Variants in ARHGAP24 observed in about 807,000 individuals in gnomAD.
ARHGAP24 encodes the protein rho GTPase-activating protein 24.
A neutral mutation model predicts 76.4 loss-of-function variants in ARHGAP24; 50 were observed. The ratio of observed to expected loss-of-function variants is 0.65; its 90% confidence interval spans 0.52 to 0.83. ARHGAP24 has a LOEUF of 0.83. Among genes scored for constraint, ARHGAP24 ranks in the 40% least tolerant of loss-of-function variants. The pLI is 0.00. For missense variants in ARHGAP24, 930 were observed against 914.2 expected, an observed-to-expected ratio of 1.02 and a Z score of -0.22; for synonymous variants, 345 against 323.3, an observed-to-expected ratio of 1.07 and a Z score of -0.72.
intron 2 of ARHGAP24, among the ~76,000 whole-genome samples, chr4:85,622,880 C>A (rs1578085515): frequency 6.6e-6 from 1 of 152,114 alleles, no homozygotes; most frequent in Non-Finnish European, 1.5e-5. Context: ...TGTTTTTTGG[C>A]TGCATAAATG....
chr4:85,507,737 A>G (rs1457233463), intron 1 of ARHGAP24, among the ~76,000 whole-genome samples: 1 of 152,224 alleles, frequency 6.6e-6, no homozygotes, highest in Non-Finnish European at 1.5e-5. Context: ...ATAAGGGCCT[A>G]TGTAAATCCA....
chr4:85,637,304 C>T lies in ARHGAP24; in HGVS notation c.180+66583C>T, dbSNP rs532011283. On this transcript the variant is annotated intron_variant, in intron 2 of 9. Coordinates refer to ENST00000395184, the MANE Select transcript of ARHGAP24 (RefSeq NM_001025616.3). ...ACATGAGCCAAGGTTGTTAATAGTC[C>T]AAAGATCTTTTGCATCAAATTTTTG... 9.9e-5 allele frequency among the ~76,000 whole-genome samples: 15 copies of T among 152,088 alleles called. No individual in the cohort carries two copies. The East Asian group carries it at 2.9e-3, about 29-fold the overall frequency.
chr4:85,808,560 A>G (rs769288680), intron 3 of ARHGAP24, among the ~76,000 whole-genome samples: 11 of 152,192 alleles, frequency 7.2e-5, no homozygotes, highest in Non-Finnish European at 1.2e-4. Context: ...GTGGATTTCC[A>G]CACATTCTAC....
At chr4:85,907,110 C>T (rs1252079123) in intron 3 of ARHGAP24, among the ~76,000 whole-genome samples, 1 of 152,158 alleles carries the variant, frequency 6.6e-6, no homozygotes, top group Non-Finnish European at 1.5e-5. Flanking sequence ...GAAATAAGGA[C>T]TCAGCCTTAG....
intron 3 of ARHGAP24, among the ~76,000 whole-genome samples, chr4:85,866,083 G>A (rs1241605803): frequency 6.6e-6 from 1 of 151,944 alleles, no homozygotes; most frequent in African/African-American, 2.4e-5. Context: ...TCCCTTATAG[G>A]CTCTATTTAA....
At chr4:85,716,918 C>CT (rs1724753080) in intron 2 of ARHGAP24, among the ~76,000 whole-genome samples, 1 of 152,050 alleles carries the variant, frequency 6.6e-6, no homozygotes, top group African/African-American at 2.4e-5. Context: ...ATATCTTGAC[C>CT]TGTCTCTCTT....
intron 2 of ARHGAP24, among the ~76,000 whole-genome samples, chr4:85,625,390 G>A (rs1222056114): frequency 6.6e-6 from 1 of 152,142 alleles, no homozygotes; most frequent in Admixed American, 6.5e-5. Context: ...TTTTGAGTGA[G>A]TTTCTTAATC....
At chr4:85,968,921 A>AT (rs1738792510) in intron 5 of ARHGAP24, among the ~76,000 whole-genome samples, 1 of 152,064 alleles carries the variant, frequency 6.6e-6, no homozygotes, top group Non-Finnish European at 1.5e-5. Flanking sequence ...TTTCTTCATC[A>AT]TTTCTATATA....
intron 2 of ARHGAP24, among the ~76,000 whole-genome samples, chr4:85,689,206 G>A (rs1317880736): frequency 6.6e-6 from 1 of 152,138 alleles, no homozygotes; most frequent in Admixed American, 6.5e-5. Flanking sequence ...ATTTATTCAT[G>A]TCATAAGTGA....
intron 2 of ARHGAP24, among the ~76,000 whole-genome samples, chr4:85,617,548 A>G (rs995681683): frequency 1.3e-5 from 2 of 152,134 alleles, no homozygotes; most frequent in African/African-American, 4.8e-5. Context: ...AGTTATTGAT[A>G]TAGACATACA....
chr4:85,475,642 CGGGG>C (rs1722552248), intron 1 of ARHGAP24, 83 bp downstream of exon 1: 1 of 32,804 alleles, frequency 3.0e-5, no homozygotes, highest in Non-Finnish European at 7.3e-5. Flanking sequence ...GAGGGGGCTG[CGGGG>C]GGCGGGGAGG....
intron 1 of ARHGAP24, among the ~76,000 whole-genome samples, chr4:85,561,430 T>C (rs1212352580): frequency 6.6e-6 from 1 of 152,210 alleles, no homozygotes; most frequent in East Asian, 1.9e-4. Context: ...CGGCACCACA[T>C]TTTGATTTAT....
chr4:85,927,589 C>T (rs541508852), intron 4 of ARHGAP24, among the ~76,000 whole-genome samples: 2 of 152,260 alleles, frequency 1.3e-5, no homozygotes, highest in South Asian at 4.1e-4. Flanking sequence ...AGTTATGAAA[C>T]CCAGGCCCTG....
chr4:85,678,736 TTC>T (rs1173415598), intron 2 of ARHGAP24, among the ~76,000 whole-genome samples: 1 of 152,198 alleles, frequency 6.6e-6, no homozygotes, highest in Non-Finnish European at 1.5e-5. Flanking sequence ...CAAATTCCTA[TTC>T]TGACTGACAA....
rs1158692342 is a variant in ARHGAP24 at position 85,954,941 on chromosome 4, C to T, written c.599+12668C>T. Among the ~76,000 whole-genome samples, 6 of 152,130 alleles carry T rather than the reference C, an allele frequency of 3.9e-5. No individual in the cohort carries two copies. In the East Asian group the frequency reaches 7.7e-4, roughly 20 times the overall value. ...AGGAGAATCACTTGAACCCAGGAGG[C>T]GGAGGTTGCGGTGAGCCGAGATTGT... On this transcript the variant is annotated intron_variant, in intron 5 of 9. Transcript: ENST00000395184.
intron 3 of ARHGAP24, among the ~76,000 whole-genome samples, chr4:85,762,199 A>C (rs1194741975): frequency 6.6e-6 from 1 of 152,172 alleles, no homozygotes; most frequent in African/African-American, 2.4e-5. Context: ...ATAGTGCCCA[A>C]ATACTAAGCT....
At chr4:85,726,112 G>A (rs1324707341) in intron 3 of ARHGAP24, among the ~76,000 whole-genome samples, 1 of 152,100 alleles carries the variant, frequency 6.6e-6, no homozygotes, top group Non-Finnish European at 1.5e-5. Context: ...CCTCAAAACA[G>A]TCAGGGCCAT....
rs146664292 is a variant in ARHGAP24 at position 85,864,731 on chromosome 4, C to T, written c.269-58917C>T. Among the ~76,000 whole-genome samples the T allele has an allele frequency of 2.6e-5, 4 of 151,958 alleles. No individual in the cohort carries two copies. The East Asian group carries it at 5.8e-4, about 22-fold the overall frequency. ...TTCAGACCCACTTCCATGAGCTACG[C>T]CCATCTGCAATGAGTAAGAGCAGTT... On this transcript the variant is annotated intron_variant, in intron 3 of 9. Transcript: ENST00000395184.
chr4:85,934,340 A>T (rs1247187414), intron 4 of ARHGAP24, among the ~76,000 whole-genome samples: 1 of 151,782 alleles, frequency 6.6e-6, no homozygotes, highest in Admixed American at 6.6e-5. Flanking sequence ...GTCCTACACC[A>T]CTTCTTCATG....
Sources: gnomAD v4.1 joint callset for allele counts (sites outside exome capture counted in the v4.1 genomes callset) on GRCh38, gnomAD v4.1.1 for gene constraint, MANE v1.5 for transcripts, NCBI Gene and HGNC (gene_info 2026-07-23, HGNC 2026-07-21) for gene names.